GPR19: variants seen among roughly 807,000 people sequenced by gnomAD.
The protein encoded by GPR19 is probable G protein-coupled receptor 19.
GPR19 carries 14 observed loss-of-function variants against 28.5 expected under a neutral mutation model. That is an observed-to-expected ratio of 0.49 (90% CI 0.32 to 0.77). The LOEUF (loss-of-function observed/expected upper bound fraction) is 0.77, where lower values mean the gene tolerates loss of function less well. GPR19 is among the 30% of genes least tolerant of loss of function. GPR19 has a pLI of 0.03. For missense variants in GPR19, 409 were observed against 504.1 expected, an observed-to-expected ratio of 0.81 and a Z score of 1.81; for synonymous variants, 173 against 184.1, an observed-to-expected ratio of 0.94 and a Z score of 0.49.
chr12:12,668,038 G>A (rs568562550), intron 3 of GPR19, among the ~76,000 whole-genome samples: 3 of 152,308 alleles, frequency 2.0e-5, no homozygotes, highest in African/African-American at 7.2e-5. Flanking sequence ...GAATGTACCT[G>A]TGCTTGACTT....
intron 2 of GPR19, among the ~76,000 whole-genome samples, chr12:12,689,275 C>T (rs1169223244): frequency 6.6e-6 from 1 of 152,158 alleles, no homozygotes; most frequent in East Asian, 1.9e-4. Flanking sequence ...CCGGGTATTA[C>T]AATTCAACAT....
At chr12:12,710,831 G>C in the GPR19 span, among the ~76,000 whole-genome samples, 1 of 152,202 alleles carries the variant, frequency 6.6e-6, no homozygotes, top group Non-Finnish European at 1.5e-5. Context: ...ATGAGCCACT[G>C]TGCCTGGCCT....
At chr12:12,683,287 T>C (rs1217994777) in intron 3 of GPR19, among the ~76,000 whole-genome samples, 1 of 152,222 alleles carries the variant, frequency 6.6e-6, no homozygotes, top group Non-Finnish European at 1.5e-5. Context: ...TAAGATTAAA[T>C]ATAGATTTCT....
intron 3 of GPR19, among the ~76,000 whole-genome samples, chr12:12,677,161 G>T (rs963255061): frequency 1.3e-5 from 2 of 151,732 alleles, no homozygotes; most frequent in Admixed American, 6.6e-5. Flanking sequence ...CCTCAGTCAG[G>T]GTTTTCTAGA....
the GPR19 span, among the ~76,000 whole-genome samples, chr12:12,714,864 A>G: frequency 9.9e-5 from 15 of 152,166 alleles, no homozygotes; most frequent in African/African-American, 3.4e-4. Flanking sequence ...TTGACTGTAA[A>G]CAAAACACTT....
the GPR19 span, chr12:12,717,110 T>G: frequency 2.0e-6 from 2 of 1,010,182 alleles, no homozygotes; most frequent in Non-Finnish European, 2.4e-6. Context: ...TTTGGCTAGT[T>G]TGTTTGTCTT....
At chr12:12,673,961 C>A (rs1474473494) in intron 3 of GPR19, among the ~76,000 whole-genome samples, 2 of 151,960 alleles carry the variant, frequency 1.3e-5, no homozygotes, top group Non-Finnish European at 2.9e-5. Flanking sequence ...CTATTACACC[C>A]AGCACTTTGG....
At chr12:12,664,670 G>A (rs569384177) in intron 3 of GPR19, among the ~76,000 whole-genome samples, 97 of 151,752 alleles carry the variant, frequency 6.4e-4, no homozygotes, top group African/African-American at 2.1e-3. Context: ...CCTGTAATCC[G>A]AGCACTTTGG....
At chr12:12,684,251 T>G (rs1031134397) in intron 3 of GPR19, 100 bp downstream of exon 3, 2 of 152,174 alleles carry the variant, frequency 1.3e-5, no homozygotes, top group African/African-American at 2.4e-5. Flanking sequence ...AACCAGCATC[T>G]AAGGCAGGAC....
At chr12:12,671,171 C>T (rs889133257) in intron 3 of GPR19, among the ~76,000 whole-genome samples, 4 of 151,352 alleles carry the variant, frequency 2.6e-5, no homozygotes, top group South Asian at 2.1e-4. Flanking sequence ...CCGGGTGTGG[C>T]GGCTGGTGCC....
intron 3 of GPR19, among the ~76,000 whole-genome samples, chr12:12,664,179 C>T (rs182711334): frequency 2.0e-5 from 3 of 151,980 alleles, no homozygotes; most frequent in East Asian, 1.9e-4. Flanking sequence ...TAGTAGAGAC[C>T]GGGTTTCCCC....
chr12:12,673,346 T>A (rs572963208), intron 3 of GPR19, among the ~76,000 whole-genome samples: 12 of 152,326 alleles, frequency 7.9e-5, no homozygotes, highest in African/African-American at 2.9e-4. Context: ...CACTGTAAAC[T>A]GTCACATGAA....
At chr12:12,716,613 G>GT in the GPR19 span, 172,891 of 224,608 alleles carry the variant, frequency 0.77, 64,288 homozygotes, top group East Asian at 0.97. Context: ...AGAGTTTTTT[G>GT]TTTTTTTTTT....
At chr12:12,698,509 A>G (rs1387023469), upstream of GPR19, among the ~76,000 whole-genome samples, 2 of 152,262 alleles carry the variant, frequency 1.3e-5, no homozygotes, top group African/African-American at 4.8e-5. Context: ...ATTGCCAAAT[A>G]ATGAATCTGA....
rs145071913 is a variant in GPR19 at position 12,661,334 on chromosome 12, A to G, written c.1115T>C (p.Val372Ala). Residue 372 changes from valine to alanine, a missense_variant, in exon 4 of 4, where the codon GTT becomes GCT. Physicochemically the swap from Val to Ala is moderately conservative, Grantham distance 64. Coordinates refer to ENST00000651487, the MANE Select transcript of GPR19 (RefSeq NM_006143.3). The surrounding 1 kb of genome is among the most constrained non-coding windows in gnomAD (Gnocchi z 4.2). ...TSSRMAKKNY[V>A]GISEIPSMAK... is the part of the protein sequence containing the mutation. The stretch of plus-strand genomic sequence containing the variant: ...CATGGAAGGGATTTCTGAAATGCCA[A>G]CGTAGTTTTTTTTGGCCATCCTTGA... The G allele has an allele frequency of 3.7e-6, 6 of 1,613,964 alleles. No homozygotes were observed. In the African/African-American group the frequency reaches 8.0e-5, roughly 22 times the overall value.
chr12:12,664,663 G>A, intron 3 of GPR19, among the ~76,000 whole-genome samples: 1 of 152,048 alleles, frequency 6.6e-6, no homozygotes. Context: ...GCTCATGCCT[G>A]TAATCCGAGC....
upstream of GPR19, among the ~76,000 whole-genome samples, chr12:12,699,239 G>A (rs1293766891): frequency 1.3e-5 from 2 of 152,004 alleles, no homozygotes; most frequent in Non-Finnish European, 2.9e-5. Context: ...CTACTCGGGA[G>A]GCTGAGGCAG....
At position 12,662,481 on chromosome 12, in the gene GPR19, A is replaced by G; in HGVS notation, c.-22-11T>C. On this transcript the variant is annotated splice_polypyrimidine_tract_variant and intron_variant, in intron 3 of 3. Transcript: ENST00000651487. Reference sequence around the variant, plus strand: ...TTTTTTCTCTTAATTCTGGTTGGGGAAAAGAAGAATGAGGCCTCCTGTTAA... The same window carrying G: ...TTTTTTCTCTTAATTCTGGTTGGGGGAAAGAAGAATGAGGCCTCCTGTTAA... 2 of 1,597,236 alleles carry G rather than the reference A, an allele frequency of 1.3e-6. No individual in the cohort carries two copies. The highest frequency in any genetic ancestry group is 1.1e-5 in the South Asian group (1 of 89,516).
intron 2 of GPR19, among the ~76,000 whole-genome samples, chr12:12,693,016 T>G (rs1431198651): frequency 6.6e-6 from 1 of 152,212 alleles, no homozygotes; most frequent in Non-Finnish European, 1.5e-5. Flanking sequence ...CTTTTTTGTC[T>G]TATATTCAAT....
Sources: allele counts gnomAD v4.1 joint callset (sites outside exome capture counted in the v4.1 genomes callset), GRCh38; gene constraint gnomAD v4.1.1; non-coding constraint Gnocchi (gnomAD v3.1); transcripts MANE v1.5; gene names NCBI Gene and HGNC (gene_info 2026-07-23, HGNC 2026-07-21).